The following CACNA1C variants were observed in gnomAD, a reference collection of about 807,000 sequenced individuals.
The protein encoded by CACNA1C is calcium voltage-gated channel subunit alpha1 C.
Under a neutral mutation model 229.0 loss-of-function variants are expected in CACNA1C, and 30 were observed. The observed-to-expected ratio is 0.13, with a 90% CI of 0.10 to 0.18. CACNA1C has a LOEUF of 0.18. Among genes scored for constraint, CACNA1C ranks in the 10% least tolerant of loss-of-function variants. The pLI, the probability that CACNA1C is intolerant of heterozygous loss-of-function variation, is 1.00. For missense variants in CACNA1C, 1,658 were observed against 2,845.0 expected (o/e 0.58, Z 9.49); for synonymous variants, 1,114 against 1,132.5 (o/e 0.98, Z 0.33).
chr12:2,085,877 A>G (rs1359274821), intron 1 of CACNA1C, among the ~76,000 whole-genome samples: 1 of 152,014 alleles, frequency 6.6e-6, no homozygotes, highest in Non-Finnish European at 1.5e-5. Flanking sequence ...CCTACACTTC[A>G]GATGTACTGT....
At chr12:2,027,723 C>T (rs1295524515) in intron 1 of CACNA1C, among the ~76,000 whole-genome samples, 1 of 152,202 alleles carries the variant, frequency 6.6e-6, no homozygotes, top group African/African-American at 2.4e-5. Context: ...CTCTCCCTGA[C>T]ACTTTTTGTC....
chr12:2,512,947 T>A lies in CACNA1C; in HGVS notation c.1353T>A (p.Asn451Lys). 6.2e-7 allele frequency: 1 copy of A among 1,610,430 alleles called. No homozygotes were observed. ...AGGCCGAAGACATCGATCCTGAGAA[T>A]GAGGACGAAGGCATGGATGAGGAGA... ...ITQAEDIDPE[N>K]EDEGMDEEKP... The change falls in exon 9 of 47, where the codon AAT becomes AAA. Residue 451 changes from asparagine (N) to lysine (K), a missense_variant. Asn to Lys is a moderately conservative substitution (Grantham distance 94, BLOSUM62 0). Around this residue, in one of 20 missense-constraint regions of CACNA1C, gnomAD observed 149 missense variants for 194.2 expected, o/e 0.77. Transcript: ENST00000399655. The surrounding 1 kb of genome is among the most constrained non-coding windows in gnomAD (Gnocchi z 4.3).
intron 3 of CACNA1C, among the ~76,000 whole-genome samples, chr12:2,160,435 T>G (rs2095798966): frequency 6.6e-6 from 1 of 152,216 alleles, no homozygotes; most frequent in South Asian, 2.1e-4. Context: ...CTCGTAACTT[T>G]GGCAAAAAGG....
At chr12:2,073,074 A>G (rs1032734485) in intron 1 of CACNA1C, among the ~76,000 whole-genome samples, 3 of 152,196 alleles carry the variant, frequency 2.0e-5, no homozygotes, top group Admixed American at 6.5e-5. Flanking sequence ...AACACGGACC[A>G]TTGTTAAACC....
Position 2,647,644 on chromosome 12 carries a change from A to G in CACNA1C, c.3913-831A>G, listed in dbSNP as rs143055858. ...GAGGCCACCTCTGGAGGCCCTCCTC[A>G]GTGTTGACTTGAAGTCGGTCTCCCC... On this transcript the variant is annotated intron_variant, in intron 30 of 46. Coordinates refer to ENST00000399655, the MANE Select transcript of CACNA1C (RefSeq NM_000719.7). This position sits in a 1 kb window ranked among gnomAD's most constrained non-coding sequence, Gnocchi z 4.2. Among the ~76,000 whole-genome samples, 220 of 152,280 alleles carry G rather than the reference A, an allele frequency of 1.4e-3. 2 individuals carry two copies. Among genetic ancestry groups the G allele is most frequent in the African/African-American group, 5.0e-3 (208 of 41,550 alleles).
chr12:2,602,035 G>A lies in CACNA1C; in HGVS notation c.2960+75G>A. 1.0e-6 allele frequency: 1 copy of A among 981,170 alleles called. No individual in the cohort carries two copies. Among genetic ancestry groups the A allele is most frequent in the Non-Finnish European group, 1.6e-6 (1 of 609,840 alleles). The allele number at this position is 981,170 out of a possible 1,614,324, so 60.8% of individuals were successfully genotyped here. Reference sequence around the variant, plus strand: ...TGCCAGAGAGGACAACCAGACCCTGGAGGGCCTGCCTGCAGGGCCACCGCA... The same window carrying A: ...TGCCAGAGAGGACAACCAGACCCTGAAGGGCCTGCCTGCAGGGCCACCGCA... On this transcript the variant is annotated intron_variant, in intron 22 of 46. Transcript: ENST00000399655. The surrounding 1 kb of genome is among the most constrained non-coding windows in gnomAD (Gnocchi z 4.4).
At chr12:2,530,698 G>GGT (rs1301986093) in intron 9 of CACNA1C, among the ~76,000 whole-genome samples, 1 of 152,138 alleles carries the variant, frequency 6.6e-6, no homozygotes, top group Non-Finnish European at 1.5e-5. Context: ...TTTTTCCAGC[G>GGT]GTGCTTCAGT....
At chr12:2,291,044 C>T (rs2093444760) in intron 3 of CACNA1C, among the ~76,000 whole-genome samples, 1 of 152,186 alleles carries the variant, frequency 6.6e-6, no homozygotes, top group Non-Finnish European at 1.5e-5. Flanking sequence ...GCTCTGTGTG[C>T]AGGGCACTAG....
intron 3 of CACNA1C, among the ~76,000 whole-genome samples, chr12:2,394,616 C>T (rs1340711704): frequency 2.6e-5 from 4 of 152,202 alleles, no homozygotes; most frequent in African/African-American, 9.7e-5. Context: ...AAGGCCTCCT[C>T]TCTGGGCCCA....
intron 3 of CACNA1C, among the ~76,000 whole-genome samples, chr12:2,267,467 T>A (rs1362928015): frequency 6.6e-6 from 1 of 152,164 alleles, no homozygotes; most frequent in Non-Finnish European, 1.5e-5. Flanking sequence ...TGGGCAGGAC[T>A]GGGCAGGGAG....
chr12:1,986,598 G>C (rs2037856492), intron 1 of CACNA1C, among the ~76,000 whole-genome samples: 1 of 151,988 alleles, frequency 6.6e-6, no homozygotes, highest in Non-Finnish European at 1.5e-5. Flanking sequence ...AGGGGTAGAA[G>C]AGTAAAAGGG....
chr12:2,243,951 T>C (rs2071808006), intron 3 of CACNA1C, among the ~76,000 whole-genome samples: 1 of 152,244 alleles, frequency 6.6e-6, no homozygotes, highest in South Asian at 2.1e-4. Context: ...GAAATGGTGC[T>C]GTTTTCAATT....
Position 1,990,953 on chromosome 12 carries a change from T to G in CACNA1C, c.139+19752T>G, listed in dbSNP as rs114194665. ...CAACATAAAACCAAATGACTCTGGGTGCAAAGGCAATCAGTATCAGATAGA... is the reference window on the plus strand; with the variant it reads ...CAACATAAAACCAAATGACTCTGGGGGCAAAGGCAATCAGTATCAGATAGA... On this transcript the variant is annotated intron_variant, in intron 1 of 46. Transcript: ENST00000682462. Among the ~76,000 whole-genome samples, 1,358 of 146,932 alleles carry G rather than the reference T, an allele frequency of 9.2e-3. 24 individuals are homozygous for G. Among genetic ancestry groups the G allele is most frequent in the African/African-American group, 0.033 (1,290 of 39,550 alleles).
At chr12:2,116,954 C>G (rs866692936) in intron 2 of CACNA1C, among the ~76,000 whole-genome samples, 1 of 152,318 alleles carries the variant, frequency 6.6e-6, no homozygotes, top group South Asian at 2.1e-4. Flanking sequence ...AAGAAAGTTT[C>G]TATTGAGACA....
chr12:2,556,408 C>T (rs2044298072), intron 10 of CACNA1C, among the ~76,000 whole-genome samples: 1 of 152,202 alleles, frequency 6.6e-6, no homozygotes, highest in South Asian at 2.1e-4. Flanking sequence ...TGGGTTTCTC[C>T]TCGGAGTCTG....
chr12:2,271,454 C>T (rs2084959663), intron 3 of CACNA1C, among the ~76,000 whole-genome samples: 1 of 152,188 alleles, frequency 6.6e-6, no homozygotes, highest in South Asian at 2.1e-4. Flanking sequence ...CTTTCCATTC[C>T]AGCTCAGACT....
intron 3 of CACNA1C, among the ~76,000 whole-genome samples, chr12:2,444,332 T>A (rs894565290): frequency 1.3e-5 from 2 of 152,194 alleles, no homozygotes; most frequent in Non-Finnish European, 2.9e-5. Context: ...CCTTTAAGTT[T>A]CTTTCTCTCC....
At chr12:2,315,771 A>G (rs567262742) in intron 3 of CACNA1C, among the ~76,000 whole-genome samples, 1 of 152,224 alleles carries the variant, frequency 6.6e-6, no homozygotes, top group Non-Finnish European at 1.5e-5. Context: ...GAGTGAATGA[A>G]TGATTAGTTT....
chr12:2,107,221 C>A lies in CACNA1C; in HGVS notation c.50-8003C>A, dbSNP rs553173846. ...CACCTCAGCTGGGGTGTCCTGAAGC[C>A]GCTGGGCGTCCTTAAGCCACTGGGC... is the stretch of plus-strand genomic sequence containing the variant. On this transcript the variant is annotated intron_variant, in intron 1 of 46. Transcript: ENST00000399655. Among the ~76,000 whole-genome samples the A allele has an allele frequency of 3.6e-4, 46 of 127,136 alleles. 1 individual carries two copies. The highest frequency in any genetic ancestry group is 1.2e-3 in the African/African-American group (38 of 32,808). The allele number at this position is 127,136 out of a possible 152,430, so 83.4% of individuals were successfully genotyped here.
Sources: gnomAD v4.1 joint callset for allele counts (sites outside exome capture counted in the v4.1 genomes callset) on GRCh38, gnomAD v4.1.1 for gene constraint, gnomAD v4.1.1 regional missense constraint, Gnocchi (gnomAD v3.1) non-coding constraint, MANE v1.5 for transcripts, NCBI Gene and HGNC (gene_info 2026-07-23, HGNC 2026-07-21) for gene names.